Variants in CCDC171 observed in about 807,000 individuals in gnomAD.
CCDC171 encodes coiled-coil domain containing 171.
A neutral mutation model predicts 168.2 loss-of-function variants in CCDC171; 177 were observed. The observed-to-expected ratio is 1.05, with a 90% CI of 0.93 to 1.19. The LOEUF is 1.19. Ranked by LOEUF, CCDC171 falls within the 50% of genes most tolerant of loss-of-function variation. CCDC171 has a pLI of 0.00. For synonymous variants in CCDC171, 687 were observed against 540.8 expected, an observed-to-expected ratio of 1.27 and a Z score of -3.75; for missense variants, 1,991 against 1,539.0, an observed-to-expected ratio of 1.29 and a Z score of -4.91.
chr9:15,744,391 A>G lies in CCDC171; in HGVS notation c.2168A>G (p.Glu723Gly), dbSNP rs2055111874. 4 of 1,614,066 alleles carry G rather than the reference A, an allele frequency of 2.5e-6. No homozygotes were observed. Among genetic ancestry groups the G allele is most frequent in the Non-Finnish European group, 2.5e-6 (3 of 1,180,036 alleles). ...FKKLLSQTQR[E>G]QMSLLAACAL... The stretch of plus-strand genomic sequence containing the variant: ...AAACTGTTATCACAGACTCAAAGGG[A>G]ACAGATGTCCTTGCTGGCAGCCTGT... Residue 723 changes from glutamate (E) to glycine (G), a missense_variant, in exon 17 of 26, where the codon GAA becomes GGA. Coordinates refer to ENST00000380701, the MANE Select transcript of CCDC171 (RefSeq NM_173550.4).
rs1046551682 is a variant in CCDC171, at chr9:15,971,935, G to A, written c.*99G>A. The A allele has an allele frequency of 4.8e-6, 5 of 1,049,158 alleles. No homozygotes were observed. Among genetic ancestry groups the A allele is most frequent in the Non-Finnish European group, 4.3e-6 (3 of 704,594 alleles). The allele number at this position is 1,049,158 out of a possible 1,614,324, so 65.0% of individuals were successfully genotyped here. On this transcript the variant is annotated 3_prime_UTR_variant, in exon 26 of 26. Transcript: ENST00000380701. ...AGTTGACTTTTGTTTCAGCAGAAGT[G>A]GCAGTGGATTTAAAAAATTTGTGCG...
At chr9:15,570,953 A>G (rs1232992639) in intron 2 of CCDC171, among the ~76,000 whole-genome samples, 4 of 152,176 alleles carry the variant, frequency 2.6e-5, no homozygotes, top group African/African-American at 2.4e-5. Context: ...GTTGTGTGGT[A>G]TAGGGGATGG....
intron 8 of CCDC171, 173 bp downstream of exon 8, chr9:15,657,392 G>A (rs886886477): frequency 2.7e-5 from 12 of 450,108 alleles, no homozygotes; most frequent in African/African-American, 2.4e-4. Context: ...TGCTACCTTA[G>A]TGGAGGAGTT....
chr9:16,097,165 C>T, the CCDC171 span, among the ~76,000 whole-genome samples: 1 of 152,156 alleles, frequency 6.6e-6, no homozygotes, highest in Non-Finnish European at 1.5e-5. Flanking sequence ...CTGAGGCTCC[C>T]CAGCCCTGGA....
At chr9:15,686,268 T>C (rs1280518884) in intron 10 of CCDC171, among the ~76,000 whole-genome samples, 2 of 152,186 alleles carry the variant, frequency 1.3e-5, no homozygotes, top group African/African-American at 4.8e-5. Context: ...TGGAGGCATA[T>C]TGATCTGGGT....
chr9:15,590,805 C>CTTTCTTTG (rs1343656348), intron 4 of CCDC171, among the ~76,000 whole-genome samples: 10 of 141,508 alleles, frequency 7.1e-5, no homozygotes, highest in African/African-American at 2.6e-4. Context: ...TTCTTTCTTT[C>CTTTCTTTG]TTTCTTTCTT....
At chr9:15,970,518 A>G (rs550389141) in intron 25 of CCDC171, among the ~76,000 whole-genome samples, 1 of 152,198 alleles carries the variant, frequency 6.6e-6, no homozygotes, top group Non-Finnish European at 1.5e-5. Flanking sequence ...CATACAATTG[A>G]TCACTATTTT....
the CCDC171 span, among the ~76,000 whole-genome samples, chr9:16,092,848 G>A: frequency 1.7e-3 from 257 of 152,326 alleles, 2 homozygotes; most frequent in African/African-American, 5.6e-3. Flanking sequence ...CCAGGGGTGG[G>A]TGGGAGCTGG....
At chr9:15,790,079 T>A (rs1254452050) in intron 21 of CCDC171, among the ~76,000 whole-genome samples, 1 of 152,234 alleles carries the variant, frequency 6.6e-6, no homozygotes, top group Admixed American at 6.5e-5. Flanking sequence ...TGTGTGTTTA[T>A]AGCAGCATGA....
At chr9:15,630,027 G>C (rs759686065) in intron 7 of CCDC171, among the ~76,000 whole-genome samples, 1 of 152,158 alleles carries the variant, frequency 6.6e-6, no homozygotes, top group South Asian at 2.1e-4. Context: ...CCTGAAGGAA[G>C]CACTAAACAT....
chr9:15,638,430 T>G (rs1486293507), intron 7 of CCDC171, among the ~76,000 whole-genome samples: 2 of 152,076 alleles, frequency 1.3e-5, no homozygotes, highest in African/African-American at 4.8e-5. Flanking sequence ...GGTACTTAAG[T>G]AATTGTTAGT....
chr9:16,082,246 T>C, the CCDC171 span, among the ~76,000 whole-genome samples: 1 of 152,228 alleles, frequency 6.6e-6, no homozygotes, highest in African/African-American at 2.4e-5. Context: ...GTCACATCTC[T>C]GTTGACTTGG....
intron 18 of CCDC171, among the ~76,000 whole-genome samples, chr9:15,762,282 A>AT (rs1369120938): frequency 6.6e-6 from 1 of 151,942 alleles, no homozygotes; most frequent in Admixed American, 6.6e-5. Flanking sequence ...GTACTAAAAT[A>AT]TTACAGATAT....
At chr9:15,743,744 G>A (rs866466729) in intron 16 of CCDC171, among the ~76,000 whole-genome samples, 29 of 152,218 alleles carry the variant, frequency 1.9e-4, no homozygotes, top group Admixed American at 4.6e-4. Flanking sequence ...CTGAAATTAA[G>A]TGAGTATCCT....
chr9:15,799,692 G>A lies in CCDC171; in HGVS notation c.3267+14998G>A, dbSNP rs950470499. On this transcript the variant is annotated intron_variant, in intron 21 of 25. Transcript: ENST00000380701. The stretch of plus-strand genomic sequence containing the variant: ...ATTGACTGTAGCCACCTGTTGTGCC[G>A]TCAAATACTAGGACTTATTCAATCT... Among the ~76,000 whole-genome samples, 7 of 151,758 alleles carry A rather than the reference G, an allele frequency of 4.6e-5. No individual in the cohort carries two copies. The East Asian group carries it at 5.8e-4, about 13-fold the overall frequency.
intron 11 of CCDC171, among the ~76,000 whole-genome samples, chr9:15,709,094 A>C (rs2052464398): frequency 6.6e-6 from 1 of 152,180 alleles, no homozygotes; most frequent in Non-Finnish European, 1.5e-5. Context: ...TGGAAATTGG[A>C]ATAAAATTTA....
intron 3 of CCDC171, among the ~76,000 whole-genome samples, chr9:15,576,515 T>G (rs997357931): frequency 6.6e-6 from 1 of 152,112 alleles, no homozygotes; most frequent in Non-Finnish European, 1.5e-5. Flanking sequence ...TAATGTACTT[T>G]GTGCCCTTGA....
intron 9 of CCDC171, among the ~76,000 whole-genome samples, chr9:15,675,510 C>T (rs781192589): frequency 2.2e-4 from 34 of 152,060 alleles, no homozygotes; most frequent in African/African-American, 8.2e-4. Context: ...GTGGCTGGTA[C>T]CAGTTGTTCC....
chr9:15,621,519 A>T (rs960208459), intron 6 of CCDC171, among the ~76,000 whole-genome samples: 1 of 152,182 alleles, frequency 6.6e-6, no homozygotes, highest in African/African-American at 2.4e-5. Context: ...GTTCATATAT[A>T]GCCTGCTATA....
Sources: gnomAD v4.1 joint callset for allele counts (sites outside exome capture counted in the v4.1 genomes callset) on GRCh38, gnomAD v4.1.1 for gene constraint, MANE v1.5 for transcripts, NCBI Gene and HGNC (gene_info 2026-07-23, HGNC 2026-07-21) for gene names.